ALCAM: variants seen among roughly 807,000 people sequenced by gnomAD.
The protein encoded by ALCAM is activated leukocyte cell adhesion molecule.
ALCAM carries 30 observed loss-of-function variants against 70.9 expected under a neutral mutation model. The ratio of observed to expected loss-of-function variants is 0.42; its 90% CI spans 0.32 to 0.57. The LOEUF is 0.57. Ranked by LOEUF, ALCAM falls within the 20% of genes least tolerant of loss-of-function variation. ALCAM has a pLI of 0.11. For synonymous variants in ALCAM, 249 were observed against 242.5 expected (o/e 1.03, Z -0.25); for missense variants, 591 against 695.1 (o/e 0.85, Z 1.68).
intron 1 of ALCAM, among the ~76,000 whole-genome samples, chr3:105,447,084 A>G (rs1937318545): frequency 6.6e-6 from 1 of 152,216 alleles, no homozygotes; most frequent in Non-Finnish European, 1.5e-5. Context: ...TTTTCGCACA[A>G]TGTATACATG....
intron 1 of ALCAM, among the ~76,000 whole-genome samples, chr3:105,482,836 C>T (rs1452287084): frequency 6.6e-6 from 1 of 151,986 alleles, no homozygotes; most frequent in Non-Finnish European, 1.5e-5. Context: ...AGTCGTCTTT[C>T]TCTGTGAGTC....
At chr3:105,534,424 T>C (rs546131863) in intron 5 of ALCAM, among the ~76,000 whole-genome samples, 2 of 152,290 alleles carry the variant, frequency 1.3e-5, no homozygotes, top group East Asian at 3.9e-4. Context: ...ATAATTTCTG[T>C]ATATGGCATG....
At chr3:105,432,129 T>A (rs754300811) in intron 1 of ALCAM, among the ~76,000 whole-genome samples, 1 of 152,164 alleles carries the variant, frequency 6.6e-6, no homozygotes, top group Non-Finnish European at 1.5e-5. Context: ...AAACTCTTAC[T>A]TATAATGAGG....
At chr3:105,566,249 C>T (rs1434795896) in intron 14 of ALCAM, among the ~76,000 whole-genome samples, 3 of 152,150 alleles carry the variant, frequency 2.0e-5, no homozygotes, top group Non-Finnish European at 4.4e-5. Flanking sequence ...TCATCAGGAT[C>T]ATACATATTA....
At chr3:105,560,637 T>C (rs746915052) in intron 14 of ALCAM, among the ~76,000 whole-genome samples, 6 of 152,124 alleles carry the variant, frequency 3.9e-5, no homozygotes, top group Non-Finnish European at 8.8e-5. Flanking sequence ...TATTTTCCTA[T>C]GTTATCTCCT....
At chr3:105,557,062 T>A (rs1940535553) in intron 14 of ALCAM, among the ~76,000 whole-genome samples, 1 of 152,080 alleles carries the variant, frequency 6.6e-6, no homozygotes, top group South Asian at 2.1e-4. Flanking sequence ...CAAATCTATT[T>A]TGCTGCCTTA....
chr3:105,534,989 T>G, intron 6 of ALCAM, 144 bp downstream of exon 6: 10 of 712,976 alleles, frequency 1.4e-5, no homozygotes, highest in Admixed American at 3.0e-5. Context: ...AAATAATCTC[T>G]TCCTCTTTAG....
Position 105,367,420 on chromosome 3 carries a change from G to T in ALCAM, c.12G>T (p.Lys4Asn). 1.2e-6 allele frequency: 2 copies of T among 1,613,968 alleles called. No individual in the cohort carries two copies. Among genetic ancestry groups the T allele is most frequent in the Non-Finnish European group, 1.7e-6 (2 of 1,179,900 alleles). Residue 4 changes from lysine (K) to asparagine (N), a missense_variant, in exon 1 of 16, where the codon AAG (lysine) becomes AAT (asparagine). Coordinates refer to ENST00000306107, the MANE Select transcript of ALCAM (RefSeq NM_001627.4). ...GAAGGAGGAGGAATATGGAATCCAAGGGGGCCAGTTCCTGCCGTCTGCTCT... is the reference window on the plus strand; with the variant it reads ...GAAGGAGGAGGAATATGGAATCCAATGGGGCCAGTTCCTGCCGTCTGCTCT... Reference protein sequence around the residue: MESKGASSCRLLFC... With the variant: MESNGASSCRLLFC...
intron 1 of ALCAM, among the ~76,000 whole-genome samples, chr3:105,402,939 T>A (rs1936124485): frequency 6.2e-4 from 1 of 1,624 alleles, no homozygotes; most frequent in African/African-American, 7.1e-4. Flanking sequence ...GCTGATGCGC[T>A]TTTTTTTTTT....
intron 1 of ALCAM, among the ~76,000 whole-genome samples, chr3:105,405,791 G>A (rs936468876): frequency 6.6e-6 from 1 of 152,110 alleles, no homozygotes; most frequent in Non-Finnish European, 1.5e-5. Flanking sequence ...TAAATAACTT[G>A]CTCCTCCATG....
chr3:105,507,762 A>G lies in ALCAM; in HGVS notation c.74-12305A>G, dbSNP rs554150237. 8.5e-5 allele frequency among the ~76,000 whole-genome samples: 13 copies of G among 152,334 alleles called. No individual in the cohort carries two copies. The South Asian group carries it at 2.7e-3, about 32-fold the overall frequency. ...TTGTGTGGACATAAACTTGCAACTCATTTGAAAAGTCGTTAATTGTGAAAA... is the reference window on the plus strand; with the variant it reads ...TTGTGTGGACATAAACTTGCAACTCGTTTGAAAAGTCGTTAATTGTGAAAA... On this transcript the variant is annotated intron_variant, in intron 1 of 15. Transcript: ENST00000306107.
intron 1 of ALCAM, among the ~76,000 whole-genome samples, chr3:105,383,344 C>T (rs983117045): frequency 4.0e-5 from 6 of 151,778 alleles, no homozygotes; most frequent in South Asian, 4.2e-4. Context: ...GGTACATTTT[C>T]GGTACACACC....
intron 1 of ALCAM, among the ~76,000 whole-genome samples, chr3:105,478,765 T>C (rs1938189780): frequency 6.6e-6 from 1 of 152,160 alleles, no homozygotes; most frequent in Non-Finnish European, 1.5e-5. Flanking sequence ...TTTATAATAC[T>C]TAAAGAGATA....
chr3:105,375,929 T>C (rs1338918599), intron 1 of ALCAM, among the ~76,000 whole-genome samples: 1 of 152,218 alleles, frequency 6.6e-6, no homozygotes, highest in Non-Finnish European at 1.5e-5. Flanking sequence ...ACTTTGACCC[T>C]GTATTAACAA....
intron 1 of ALCAM, among the ~76,000 whole-genome samples, chr3:105,463,835 T>C (rs1184240492): frequency 6.6e-6 from 1 of 151,546 alleles, no homozygotes; most frequent in East Asian, 1.9e-4. Context: ...GTATTTTCCC[T>C]GAAGTCCCTT....
chr3:105,405,536 T>C (rs2107381875), intron 1 of ALCAM, among the ~76,000 whole-genome samples: 1 of 152,228 alleles, frequency 6.6e-6, no homozygotes, highest in East Asian at 1.9e-4. Flanking sequence ...ACTTAAACTA[T>C]ACTTTATAAC....
chr3:105,385,608 C>T (rs775517076), intron 1 of ALCAM, among the ~76,000 whole-genome samples: 15 of 151,608 alleles, frequency 9.9e-5, no homozygotes, highest in Admixed American at 5.3e-4. Context: ...TTTCTTATTT[C>T]GAAGTGGGAA....
chr3:105,370,331 C>G (rs1018897000), intron 1 of ALCAM, among the ~76,000 whole-genome samples: 2 of 152,130 alleles, frequency 1.3e-5, no homozygotes, highest in Non-Finnish European at 2.9e-5. Context: ...TTTATTTAAT[C>G]CAATAGCAAT....
At chr3:105,455,613 T>C (rs1298931753) in intron 1 of ALCAM, among the ~76,000 whole-genome samples, 2 of 151,932 alleles carry the variant, frequency 1.3e-5, no homozygotes, top group Admixed American at 1.3e-4. Flanking sequence ...CCAGACAAAA[T>C]TGAGGACTAA....
Sources: gnomAD v4.1 joint callset for allele counts (sites outside exome capture counted in the v4.1 genomes callset) on GRCh38, gnomAD v4.1.1 for gene constraint, MANE v1.5 for transcripts, NCBI Gene and HGNC (gene_info 2026-07-23, HGNC 2026-07-21) for gene names.